FANCC: variants seen among roughly 807,000 people sequenced by gnomAD.
FANCC encodes Fanconi anemia group C protein.
FANCC carries 55 observed loss-of-function variants against 71.3 expected under a neutral mutation model. The ratio of observed to expected loss-of-function variants is 0.77; its 90% CI spans 0.62 to 0.97. FANCC has a LOEUF of 0.97. FANCC is among the 50% of genes least tolerant of loss of function. The pLI is 0.00. For missense variants in FANCC, 678 were observed against 670.9 expected (o/e 1.01, Z -0.12); for synonymous variants, 275 against 244.9 (o/e 1.12, Z -1.15).
chr9:95,287,575 C>T (rs1307020149), intron 1 of FANCC, among the ~76,000 whole-genome samples: 1 of 152,170 alleles, frequency 6.6e-6, no homozygotes, highest in African/African-American at 2.4e-5. Flanking sequence ...ACAATGTCTG[C>T]CTCTGCCAAA....
intron 4 of FANCC, among the ~76,000 whole-genome samples, chr9:95,228,444 T>C (rs1423818129): frequency 6.6e-6 from 1 of 152,210 alleles, no homozygotes; most frequent in Admixed American, 6.5e-5. Context: ...CATGTGGAAG[T>C]CCCTCTCCTC....
At chr9:95,316,021 T>C (rs1835718151) in intron 1 of FANCC, among the ~76,000 whole-genome samples, 1 of 152,192 alleles carries the variant, frequency 6.6e-6, no homozygotes, top group African/African-American at 2.4e-5. Flanking sequence ...AAACAAAAAA[T>C]ACCAATATAG....
intron 12 of FANCC, 103 bp from the exon 13 acceptor site, chr9:95,111,740 CT>C: frequency 1.4e-6 from 2 of 1,385,038 alleles, no homozygotes; most frequent in Non-Finnish European, 2.0e-6. Flanking sequence ...TTAAATTGTA[CT>C]TATCCACTGA....
chr9:95,194,437 A>T (rs1347935954), intron 4 of FANCC, among the ~76,000 whole-genome samples: 1 of 152,198 alleles, frequency 6.6e-6, no homozygotes, highest in Non-Finnish European at 1.5e-5. Flanking sequence ...CCTTGGGTAC[A>T]AAACTATCCA....
intron 1 of FANCC, among the ~76,000 whole-genome samples, chr9:95,287,612 T>C (rs1391764374): frequency 1.3e-5 from 2 of 152,198 alleles, no homozygotes; most frequent in East Asian, 1.9e-4. Flanking sequence ...ATGCTTTCCA[T>C]AGAGTTAAAA....
At chr9:95,221,076 C>T (rs1287066699) in intron 4 of FANCC, among the ~76,000 whole-genome samples, 2 of 151,492 alleles carry the variant, frequency 1.3e-5, no homozygotes, top group Admixed American at 1.3e-4. Flanking sequence ...CTAAAAAATA[C>T]AAAAAATTAG....
chr9:95,144,500 G>T (rs1829248603), intron 7 of FANCC, among the ~76,000 whole-genome samples: 1 of 152,230 alleles, frequency 6.6e-6, no homozygotes, highest in Non-Finnish European at 1.5e-5. Flanking sequence ...AGCAGGAGTA[G>T]CTGTTCTCTG....
chr9:95,213,951 T>C (rs751753597), intron 4 of FANCC, among the ~76,000 whole-genome samples: 20 of 151,900 alleles, frequency 1.3e-4, no homozygotes, highest in Admixed American at 2.6e-4. Flanking sequence ...AACTCAACAA[T>C]AAAAACCAAA....
chr9:95,317,310 T>TGCCTCCCACCTC (rs1835819627), intron 1 of FANCC: 1 of 148,696 alleles, frequency 6.7e-6, no homozygotes, highest in African/African-American at 2.5e-5. Flanking sequence ...CCCGCCACCT[T>TGCCTCCCACCTC]CCGCCTCCCG....
chr9:95,201,760 G>A (rs916470449), intron 4 of FANCC, among the ~76,000 whole-genome samples: 2 of 152,076 alleles, frequency 1.3e-5, no homozygotes, highest in South Asian at 2.1e-4. Flanking sequence ...TCCTTTTTGC[G>A]TAAGAAACAA....
Position 95,240,679 on chromosome 9 carries a change from A to G in FANCC, c.315T>C (p.Ser105=), listed in dbSNP as rs749048345. The G allele has an allele frequency of 6.2e-7, 1 of 1,613,402 alleles. No homozygotes were observed. The highest frequency in any genetic ancestry group is 1.7e-5 in the Admixed American group (1 of 60,006). Reference sequence around the variant, plus strand: ...TCCAGGAGTTAAGTTTTGATTGTCCAGAATTCTGTGGTTCTTTGTTAATTA... The same window carrying G: ...TCCAGGAGTTAAGTTTTGATTGTCCGGAATTCTGTGGTTCTTTGTTAATTA... ...CCLINKEPQN[S]GQSKLNSWIQ... Residue 105 remains serine, a synonymous_variant, in exon 4 of 15, where the codon TCT becomes TCC. Coordinates refer to ENST00000289081, the MANE Select transcript of FANCC (RefSeq NM_000136.3).
rs2136457184 is a variant in FANCC at position 95,317,562 on chromosome 9, G to C, written c.-115C>G. 1 of 152,388 alleles carries C rather than the reference G, an allele frequency of 6.6e-6. No individual in the cohort carries two copies. The highest frequency in any genetic ancestry group is 1.9e-4 in the East Asian group (1 of 5,178). 9.4% of individuals were successfully genotyped at this position (152,388 alleles called of 1,614,324 possible). On this transcript the variant is annotated 5_prime_UTR_variant, in exon 1 of 15. Transcript: ENST00000289081. The stretch of plus-strand genomic sequence containing the variant: ...CGCGGGAGCTGCTTCAGCAGTTTGG[G>C]CAGTGGCGGAAAGGAAGCCACCGCC...
intron 1 of FANCC, among the ~76,000 whole-genome samples, chr9:95,306,152 C>T (rs1835059651): frequency 6.6e-6 from 1 of 152,086 alleles, no homozygotes; most frequent in Non-Finnish European, 1.5e-5. Flanking sequence ...TAACATTGTA[C>T]AATAAATGCA....
chr9:95,235,415 G>C (rs1830255656), intron 4 of FANCC, among the ~76,000 whole-genome samples: 1 of 152,222 alleles, frequency 6.6e-6, no homozygotes, highest in Non-Finnish European at 1.5e-5. Flanking sequence ...GATGAAAATG[G>C]ACTACTTACC....
At chr9:95,259,415 C>T (rs1831881707) in intron 1 of FANCC, among the ~76,000 whole-genome samples, 1 of 152,202 alleles carries the variant, frequency 6.6e-6, no homozygotes, top group Non-Finnish European at 1.5e-5. Context: ...TGATCTTTGA[C>T]AAACCTGACA....
chr9:95,210,239 T>C (rs1302246158), intron 4 of FANCC, among the ~76,000 whole-genome samples: 1 of 152,114 alleles, frequency 6.6e-6, no homozygotes, highest in East Asian at 1.9e-4. Context: ...GAAGAGAGAA[T>C]AGGATATGTG....
intron 7 of FANCC, among the ~76,000 whole-genome samples, chr9:95,138,763 C>T (rs935033514): frequency 6.6e-6 from 1 of 152,212 alleles, no homozygotes; most frequent in Non-Finnish European, 1.5e-5. Flanking sequence ...CCAGGAGCAG[C>T]AGCAAATTCA....
At chr9:95,205,911 T>TA (rs1165268183) in intron 4 of FANCC, among the ~76,000 whole-genome samples, 1 of 152,086 alleles carries the variant, frequency 6.6e-6, no homozygotes, top group Admixed American at 6.6e-5. Flanking sequence ...AGTTAAATTT[T>TA]AAAAAAATAG....
At chr9:95,270,771 T>C (rs569219319) in intron 1 of FANCC, among the ~76,000 whole-genome samples, 29 of 152,356 alleles carry the variant, frequency 1.9e-4, no homozygotes, top group Non-Finnish European at 3.1e-4. Context: ...CAGAGGTCCA[T>C]TGGATTTTTT....
Sources: gnomAD v4.1 joint callset for allele counts (sites outside exome capture counted in the v4.1 genomes callset) on GRCh38, gnomAD v4.1.1 for gene constraint, MANE v1.5 for transcripts, NCBI Gene and HGNC (gene_info 2026-07-23, HGNC 2026-07-21) for gene names.